Variants in TRPM3 observed in about 807,000 individuals in gnomAD.
TRPM3 encodes the protein long transient receptor potential channel 3.
TRPM3 carries 77 observed loss-of-function variants against 181.2 expected under a neutral mutation model. That is an observed-to-expected ratio of 0.42 (90% confidence interval 0.35 to 0.51). The LOEUF is 0.51. TRPM3 is among the 20% of genes least tolerant of loss of function. The pLI, the probability that TRPM3 is intolerant of heterozygous loss-of-function variation, is 0.01. For missense variants in TRPM3, 1,759 were observed against 2,196.7 expected, an observed-to-expected ratio of 0.80 and a Z score of 3.98; for synonymous variants, 745 against 796.4, an observed-to-expected ratio of 0.94 and a Z score of 1.09.
intron 1 of TRPM3, among the ~76,000 whole-genome samples, chr9:70,903,660 T>A (rs2133052678): frequency 6.6e-6 from 1 of 152,332 alleles, no homozygotes; most frequent in Admixed American, 6.5e-5. Flanking sequence ...GAAACACTAA[T>A]GAGAATTACT....
intron 1 of TRPM3, among the ~76,000 whole-genome samples, chr9:71,331,269 A>G (rs1588521543): frequency 6.6e-6 from 1 of 151,894 alleles, no homozygotes; most frequent in East Asian, 1.9e-4. Flanking sequence ...AGATTGTGAA[A>G]TCTGAAAATA....
At chr9:70,954,224 T>C (rs1482260212) in intron 1 of TRPM3, among the ~76,000 whole-genome samples, 4 of 152,182 alleles carry the variant, frequency 2.6e-5, no homozygotes, top group Non-Finnish European at 5.9e-5. Flanking sequence ...CTTCCTTCCC[T>C]GTTCAGGACA....
chr9:70,744,930 C>T (rs2074876184), intron 8 of TRPM3, among the ~76,000 whole-genome samples: 1 of 152,122 alleles, frequency 6.6e-6, no homozygotes, highest in African/African-American at 2.4e-5. Context: ...AAAGTTGCTA[C>T]TAACTAAACA....
chr9:71,236,628 C>T (rs973191810), intron 1 of TRPM3, among the ~76,000 whole-genome samples: 2 of 152,138 alleles, frequency 1.3e-5, no homozygotes, highest in African/African-American at 4.8e-5. Flanking sequence ...TAAGATACAC[C>T]TCTGTTTACT....
In TRPM3 at chr9:70,934,566, G is replaced by A. The variant is rs79916530; in HGVS notation, c.178-70055C>T. Among the ~76,000 whole-genome samples, 166 of 152,178 alleles carry A rather than the reference G, an allele frequency of 1.1e-3. 2 individuals carry two copies. In the East Asian group the frequency reaches 0.02, roughly 18 times the overall value. On this transcript the variant is annotated intron_variant, in intron 1 of 25. Transcript: ENST00000677713. Reference sequence around the variant, plus strand: ...TTTGCCATGAGCAGTTCTTAGCCTCGGTTTCCTCACCATGAAATGGGAACA... The same window carrying A: ...TTTGCCATGAGCAGTTCTTAGCCTCAGTTTCCTCACCATGAAATGGGAACA...
At chr9:70,816,362 G>T (rs1311264089) in intron 6 of TRPM3, among the ~76,000 whole-genome samples, 1 of 152,196 alleles carries the variant, frequency 6.6e-6, no homozygotes. Context: ...TTAGATAATT[G>T]GTGTAAGAAT....
intron 1 of TRPM3, among the ~76,000 whole-genome samples, chr9:71,433,793 C>T (rs2093992085): frequency 6.6e-6 from 1 of 152,148 alleles, no homozygotes. Context: ...GCTTCACATC[C>T]CCTAGCTCTT....
At chr9:70,934,815 G>C (rs1230601256) in intron 1 of TRPM3, among the ~76,000 whole-genome samples, 1 of 152,018 alleles carries the variant, frequency 6.6e-6, no homozygotes, top group African/African-American at 2.4e-5. Flanking sequence ...ATTAGCCCAA[G>C]GCTTTTCTCA....
chr9:70,584,785 G>A (rs1241722322), intron 22 of TRPM3, among the ~76,000 whole-genome samples: 2 of 152,126 alleles, frequency 1.3e-5, no homozygotes, highest in African/African-American at 2.4e-5. Flanking sequence ...ACCTCACAAT[G>A]TATAACTTCA....
chr9:70,623,023 T>A (rs1482500687), intron 14 of TRPM3, among the ~76,000 whole-genome samples: 1 of 152,156 alleles, frequency 6.6e-6, no homozygotes, highest in Non-Finnish European at 1.5e-5. Context: ...AGTTCTTTAC[T>A]AGTTCCACAA....
intron 1 of TRPM3, among the ~76,000 whole-genome samples, chr9:71,253,442 C>T (rs2082476828): frequency 6.6e-6 from 1 of 152,110 alleles, no homozygotes; most frequent in African/African-American, 2.4e-5. Context: ...GCTAGAAATG[C>T]TGCTAACCAT....
At chr9:71,098,981 G>T (rs2067809440) in intron 1 of TRPM3, among the ~76,000 whole-genome samples, 1 of 152,164 alleles carries the variant, frequency 6.6e-6, no homozygotes. Context: ...ACTCACACGA[G>T]GAGGAAGTGC....
intron 3 of TRPM3, among the ~76,000 whole-genome samples, chr9:70,860,396 T>C (rs961566561): frequency 5.3e-5 from 8 of 152,118 alleles, no homozygotes; most frequent in African/African-American, 1.4e-4. Flanking sequence ...CAACAGAAAA[T>C]AGTTGCTCAG....
chr9:70,597,798 C>T (rs2059279079), intron 21 of TRPM3, among the ~76,000 whole-genome samples: 1 of 152,214 alleles, frequency 6.6e-6, no homozygotes, highest in African/African-American at 2.4e-5. Context: ...ACACATGATG[C>T]ATGATAGAAC....
At chr9:71,430,584 C>T (rs1047645537) in intron 1 of TRPM3, among the ~76,000 whole-genome samples, 3 of 152,066 alleles carry the variant, frequency 2.0e-5, no homozygotes, top group South Asian at 2.1e-4. Context: ...GAGGCTGAGG[C>T]GGGTGGATCA....
chr9:70,589,221 G>A (rs987491301), intron 22 of TRPM3, among the ~76,000 whole-genome samples: 6 of 152,156 alleles, frequency 3.9e-5, no homozygotes, highest in Admixed American at 3.9e-4. Context: ...ACTACAATCA[G>A]CCCTTCTTTT....
intron 1 of TRPM3, among the ~76,000 whole-genome samples, chr9:71,325,756 CCA>C (rs112291932): frequency 6.7e-5 from 10 of 149,666 alleles, no homozygotes; most frequent in Non-Finnish European, 7.5e-5. Flanking sequence ...ACCCACCCAC[CCA>C]CACACACACA....
In TRPM3 at chr9:70,738,775, A is replaced by G. The variant is rs557275579; in HGVS notation, c.1272+22826T>C. 2.0e-5 allele frequency among the ~76,000 whole-genome samples: 3 copies of G among 152,310 alleles called. No individual in the cohort carries two copies. In the South Asian group the frequency reaches 6.2e-4, roughly 32 times the overall value. On this transcript the variant is annotated intron_variant, in intron 8 of 25. Coordinates refer to ENST00000677713, the MANE Select transcript of TRPM3 (RefSeq NM_001366145.2). Reference sequence around the variant, plus strand: ...AACAGTGAGGATTCAAATAAGCTCAATTAGAAATGAAACTGGAGATATTAC... The same window carrying G: ...AACAGTGAGGATTCAAATAAGCTCAGTTAGAAATGAAACTGGAGATATTAC...
chr9:71,192,754 G>A (rs1035335626), intron 1 of TRPM3, among the ~76,000 whole-genome samples: 1 of 151,608 alleles, frequency 6.6e-6, no homozygotes. Flanking sequence ...AAACTTTTTA[G>A]GTTGATGTAG....
Sources: gnomAD v4.1 joint callset for allele counts (sites outside exome capture counted in the v4.1 genomes callset) on GRCh38, gnomAD v4.1.1 for gene constraint, MANE v1.5 for transcripts, NCBI Gene and HGNC (gene_info 2026-07-23, HGNC 2026-07-21) for gene names.